Variants in VAV3 observed in about 807,000 individuals in gnomAD.
VAV3 encodes vav guanine nucleotide exchange factor 3, also known as guanine nucleotide exchange factor VAV3.
In VAV3, 94 loss-of-function variants were observed where a neutral mutation model predicts 131.2. The observed-to-expected ratio is 0.72, with a 90% CI of 0.61 to 0.85. VAV3 has a LOEUF of 0.85. Ranked by LOEUF, VAV3 falls within the 40% of genes least tolerant of loss-of-function variation. The probability of loss-of-function intolerance (pLI) is 0.00; values close to 1 mark genes in which losing one functional copy is unlikely to be tolerated. For synonymous variants in VAV3, 349 were observed against 342.0 expected (o/e 1.02, Z -0.22); for missense variants, 939 against 1,002.7 (o/e 0.94, Z 0.86).
At position 107,749,555 on chromosome 1, in the gene VAV3, C is replaced by T. The variant is rs1035718552; in HGVS notation, c.1299G>A (p.Lys433=). Residue 433 remains lysine (K), a synonymous_variant, in exon 14 of 27, where the codon AAG becomes AAA. Transcript: ENST00000370056. ...TCATTTCATAGTTATCACCTTTTCTCTTACATACGATCACTGCCAAATCAA... is the reference window on the plus strand; with the variant it reads ...TCATTTCATAGTTATCACCTTTTCTTTTACATACGATCACTGCCAAATCAA... The part of the protein sequence containing the change: ...FLFDLAVIVC[K]RKGDNYEMKE... 1.9e-6 allele frequency: 3 copies of T among 1,611,472 alleles called. No homozygotes were observed. Among genetic ancestry groups the T allele is most frequent in the Non-Finnish European group, 2.5e-6 (3 of 1,179,186 alleles).
chr1:107,919,615 A>AATATATATATAT (rs200772253), intron 1 of VAV3, among the ~76,000 whole-genome samples: 1 of 152,134 alleles, frequency 6.6e-6, no homozygotes, highest in Admixed American at 6.5e-5. Flanking sequence ...TAGAGAGGGG[A>AATATATATATAT]ATATATATAT....
chr1:107,795,277 A>T (rs1353407468), intron 2 of VAV3, among the ~76,000 whole-genome samples: 1 of 152,256 alleles, frequency 6.6e-6, no homozygotes, highest in Non-Finnish European at 1.5e-5. Context: ...ACTAGCATCT[A>T]AATAACTTAG....
intron 1 of VAV3, among the ~76,000 whole-genome samples, chr1:107,928,292 G>C (rs1201655183): frequency 2.6e-5 from 4 of 152,076 alleles, no homozygotes; most frequent in African/African-American, 9.7e-5. Flanking sequence ...AAGAAAGATA[G>C]GTACAAACAA....
intron 19 of VAV3, chr1:107,669,358 T>A (rs1158684559): frequency 2.3e-6 from 3 of 1,289,678 alleles, no homozygotes; most frequent in Non-Finnish European, 2.0e-6. Context: ...TTCAGAAACC[T>A]CAAGGCTGCA....
chr1:107,880,223 A>G (rs1291069123), intron 1 of VAV3, among the ~76,000 whole-genome samples: 1 of 152,218 alleles, frequency 6.6e-6, no homozygotes, highest in Non-Finnish European at 1.5e-5. Flanking sequence ...TGAGGTAAGA[A>G]AGGATGAGTG....
chr1:107,741,131 C>A (rs544568342), intron 15 of VAV3, among the ~76,000 whole-genome samples: 8 of 152,334 alleles, frequency 5.3e-5, no homozygotes, highest in Admixed American at 2.6e-4. Flanking sequence ...CAGCTTCATG[C>A]AGATACTGTA....
chr1:107,940,507 C>T (rs1673933950), intron 1 of VAV3, among the ~76,000 whole-genome samples: 1 of 152,210 alleles, frequency 6.6e-6, no homozygotes, highest in Admixed American at 6.5e-5. Context: ...CAAAGTCCTC[C>T]TGGTTTCAGC....
chr1:107,921,930 C>A (rs1286749256), intron 1 of VAV3, among the ~76,000 whole-genome samples: 1 of 152,154 alleles, frequency 6.6e-6, no homozygotes, highest in African/African-American at 2.4e-5. Flanking sequence ...ATAACCTTAA[C>A]CTAGTTATTT....
rs200845787 is a variant in VAV3 at position 107,574,959 on chromosome 1, T to TTCTCTC, written c.2351-762_2351-761insGAGAGA. 4.5e-3 allele frequency among the ~76,000 whole-genome samples: 635 copies of TTCTCTC among 140,450 alleles called. 2 individuals carry two copies. The highest frequency in any genetic ancestry group is 0.011 in the African/African-American group (397 of 36,064). 92.1% of individuals were successfully genotyped at this position (140,450 alleles called of 152,430 possible). A position where few individuals can be genotyped will look rare whatever the true frequency, so the allele number is the denominator to read the frequency against. On this transcript the variant is annotated intron_variant, in intron 25 of 26. Transcript: ENST00000370056. ...AAATATCCTGTGTTCAGAGTTGAGT[T>TTCTCTC]TCTCTGTGTGTGTGTGTGTGTGTGT...
At chr1:107,595,583 G>C (rs1651312413) in intron 25 of VAV3, among the ~76,000 whole-genome samples, 1 of 152,060 alleles carries the variant, frequency 6.6e-6, no homozygotes. Flanking sequence ...CTATCTCCAG[G>C]AAGATTATGT....
At chr1:107,605,178 T>A (rs1467496221) in intron 22 of VAV3, among the ~76,000 whole-genome samples, 2 of 152,324 alleles carry the variant, frequency 1.3e-5, no homozygotes, top group Admixed American at 6.5e-5. Context: ...AAAAATACAT[T>A]TTTCAACAAC....
At chr1:107,736,559 CA>C (rs1188634724) in intron 15 of VAV3, among the ~76,000 whole-genome samples, 2 of 151,944 alleles carry the variant, frequency 1.3e-5, no homozygotes, top group Non-Finnish European at 2.9e-5. Context: ...TCCTATACAC[CA>C]ATTACAGACA....
intron 2 of VAV3, among the ~76,000 whole-genome samples, chr1:107,782,206 T>A (rs564189150): frequency 6.6e-6 from 1 of 152,216 alleles, no homozygotes; most frequent in African/African-American, 2.4e-5. Context: ...TATTCTATTA[T>A]GTATTTTATA....
chr1:107,780,840 G>C (rs1378166092), intron 2 of VAV3, among the ~76,000 whole-genome samples: 1 of 152,098 alleles, frequency 6.6e-6, no homozygotes, highest in Non-Finnish European at 1.5e-5. Flanking sequence ...TATGATAATA[G>C]ATATAATGCA....
rs545375826 is a variant in VAV3, at chr1:107,689,521, C to CT, written c.1706-1116dup. Among the ~76,000 whole-genome samples, 617 of 149,164 alleles carry CT rather than the reference C, an allele frequency of 4.1e-3. 2 individuals carry two copies. Among genetic ancestry groups the CT allele is most frequent in the African/African-American group, 5.9e-3 (241 of 40,634 alleles). ...TCTTTTCTCTCTAGCTTTTTTTTTT[C>CT]TTTTTTTTCTTTTTTTAACGAATAC... On this transcript the variant is annotated intron_variant, in intron 17 of 26. Coordinates refer to ENST00000370056, the MANE Select transcript of VAV3 (RefSeq NM_006113.5).
intron 15 of VAV3, among the ~76,000 whole-genome samples, chr1:107,724,787 G>C (rs1165871416): frequency 6.6e-6 from 1 of 152,054 alleles, no homozygotes; most frequent in South Asian, 2.1e-4. Flanking sequence ...TGTTCTGGAA[G>C]CTGCCAGGAA....
intron 1 of VAV3, among the ~76,000 whole-genome samples, chr1:107,876,969 A>C (rs990285862): frequency 6.6e-6 from 1 of 152,046 alleles, no homozygotes; most frequent in Non-Finnish European, 1.5e-5. Flanking sequence ...TGCAGAAAGC[A>C]TATCTTTTTT....
At chr1:107,679,312 A>G (rs1284672209) in intron 19 of VAV3, among the ~76,000 whole-genome samples, 1 of 152,188 alleles carries the variant, frequency 6.6e-6, no homozygotes, top group African/African-American at 2.4e-5. Flanking sequence ...GAGAAACAAG[A>G]GTTGTCAGAA....
chr1:107,878,687 T>C lies in VAV3; in HGVS notation c.205-3670A>G, dbSNP rs145072414. On this transcript the variant is annotated intron_variant, in intron 1 of 26. Transcript: ENST00000370056. ...TCAGAAGACACAAAATGTTAGGGTG[T>C]CCCATCATTACTGAGGCTAAACTCA... is the stretch of plus-strand genomic sequence containing the variant. 1.0e-3 allele frequency among the ~76,000 whole-genome samples: 152 copies of C among 152,278 alleles called. 1 individual carries two copies. Among genetic ancestry groups the C allele is most frequent in the African/African-American group, 3.3e-3 (136 of 41,564 alleles).
Sources: allele counts gnomAD v4.1 joint callset (sites outside exome capture counted in the v4.1 genomes callset), GRCh38; gene constraint gnomAD v4.1.1; transcripts MANE v1.5; gene names NCBI Gene and HGNC (gene_info 2026-07-23, HGNC 2026-07-21).